MROH1: variants seen among roughly 807,000 people sequenced by gnomAD.
The protein encoded by MROH1 is maestro heat-like repeat-containing protein family member 1.
A neutral mutation model predicts 116.5 loss-of-function variants in MROH1; 117 were observed. The ratio of observed to expected loss-of-function variants is 1.00; its 90% CI spans 0.86 to 1.17. MROH1 has a LOEUF of 1.17. Among genes scored for constraint, MROH1 ranks in the 50% most tolerant of loss-of-function variants. The pLI, the probability that MROH1 is intolerant of heterozygous loss-of-function variation, is 0.00. For missense variants in MROH1, 1,873 were observed against 1,338.5 expected (o/e 1.40, Z -6.23); for synonymous variants, 921 against 583.9 (o/e 1.58, Z -8.32).
chr8:144,155,323 G>A (rs1163520795), intron 1 of MROH1, among the ~76,000 whole-genome samples: 3 of 152,300 alleles, frequency 2.0e-5, no homozygotes, highest in Admixed American at 1.3e-4. Context: ...GTCTGTAAGT[G>A]TGCATATATA....
intron 7 of MROH1, among the ~76,000 whole-genome samples, chr8:144,189,760 G>A (rs1369697898): frequency 6.6e-6 from 1 of 152,172 alleles, no homozygotes; most frequent in Non-Finnish European, 1.5e-5. Flanking sequence ...TGCCCAGCAC[G>A]GCAGCCTTGG....
intron 7 of MROH1, among the ~76,000 whole-genome samples, chr8:144,188,761 C>T (rs777180663): frequency 6.6e-4 from 100 of 152,214 alleles, no homozygotes; most frequent in Non-Finnish European, 1.1e-3. Flanking sequence ...CCACTGCGTC[C>T]GGCCACTGCC....
At chr8:144,246,095 C>CTTCCT (rs1841876081) in intron 29 of MROH1, among the ~76,000 whole-genome samples, 1 of 127,378 alleles carries the variant, frequency 7.9e-6, no homozygotes, top group Non-Finnish European at 1.6e-5. Context: ...CCTTCCTTTC[C>CTTCCT]TTCCTTCCTT....
At chr8:144,196,161 G>T (rs1829845132) in intron 10 of MROH1, among the ~76,000 whole-genome samples, 1 of 151,450 alleles carries the variant, frequency 6.6e-6, no homozygotes, top group Non-Finnish European at 1.5e-5. Flanking sequence ...GTGGTGGCGG[G>T]TGCCTGTAAT....
At chr8:144,221,413 C>T (rs746002996) in intron 13 of MROH1, among the ~76,000 whole-genome samples, 3 of 152,034 alleles carry the variant, frequency 2.0e-5, no homozygotes, top group Non-Finnish European at 2.9e-5. Flanking sequence ...TGGATCTTTG[C>T]GAAAGTTAGG....
intron 12 of MROH1, among the ~76,000 whole-genome samples, chr8:144,219,643 A>C (rs564164141): frequency 2.0e-5 from 3 of 152,254 alleles, no homozygotes; most frequent in Admixed American, 2.0e-4. Flanking sequence ...CCCAGACGTG[A>C]CAGGGGAGTT....
chr8:144,152,012 C>T (rs1335090938), intron 1 of MROH1, among the ~76,000 whole-genome samples: 1 of 152,230 alleles, frequency 6.6e-6, no homozygotes, highest in African/African-American at 2.4e-5. Flanking sequence ...GTCCTTTGCT[C>T]TCTTTCCTGT....
intron 7 of MROH1, among the ~76,000 whole-genome samples, chr8:144,186,668 G>T (rs534485382): frequency 6.6e-6 from 1 of 152,350 alleles, no homozygotes; most frequent in African/African-American, 2.4e-5. Flanking sequence ...TGGCATAGGG[G>T]CTGGCTCTGT....
intron 12 of MROH1, among the ~76,000 whole-genome samples, chr8:144,203,544 C>A (rs866376547): frequency 6.6e-6 from 1 of 151,446 alleles, no homozygotes; most frequent in Admixed American, 6.6e-5. Flanking sequence ...GAGAGGAGCG[C>A]CCGCTCTCTG....
intron 14 of MROH1, among the ~76,000 whole-genome samples, chr8:144,231,972 T>A (rs559082156): frequency 1.7e-4 from 26 of 152,210 alleles, no homozygotes; most frequent in South Asian, 4.1e-4. Flanking sequence ...TGTGTAGAGA[T>A]CAAATCCAGG....
At chr8:144,252,602 A>C (rs1843017639) in intron 33 of MROH1, 1 of 151,090 alleles carries the variant, frequency 6.6e-6, no homozygotes, top group Non-Finnish European at 1.5e-5. Context: ...CAGGAGGCGG[A>C]GCTTGCAGTG....
intron 12 of MROH1, among the ~76,000 whole-genome samples, chr8:144,205,542 G>C (rs1388752108): frequency 1.3e-5 from 2 of 149,306 alleles, no homozygotes; most frequent in African/African-American, 4.9e-5. Context: ...ACACACGCAT[G>C]CATGCCAGGA....
intron 14 of MROH1, among the ~76,000 whole-genome samples, chr8:144,234,678 G>T (rs1554824057): frequency 6.8e-6 from 1 of 146,568 alleles, no homozygotes; most frequent in African/African-American, 2.5e-5. Context: ...CACCATGTCT[G>T]GCTAATTTTT....
chr8:144,255,772 G>A (rs1017122131), intron 35 of MROH1, 67 bp downstream of exon 35: 196 of 697,524 alleles, frequency 2.8e-4, no homozygotes, highest in Non-Finnish European at 4.6e-4. Context: ...GTGCACGCGC[G>A]TGGTGGGGGC....
rs1490327020 is a variant in MROH1 at position 144,167,366 on chromosome 8, G to A, written c.23-929G>A. Among the ~76,000 whole-genome samples the A allele has an allele frequency of 2.2e-5, 3 of 135,238 alleles. No homozygotes were observed. The East Asian group carries it at 6.7e-4, about 30-fold the overall frequency. The allele number at this position is 135,238 out of a possible 152,430, so 88.7% of individuals were successfully genotyped here. A position where few individuals can be genotyped will look rare whatever the true frequency, so the allele number is the denominator to read the frequency against. ...GGCCGGTTGTGGGGTGGAGTGGCCA[G>A]ATGTGGGGTGGAGTGGCCGGTTGTG... On this transcript the variant is annotated intron_variant, in intron 3 of 43. Transcript: ENST00000326134.
chr8:144,261,577 C>A, intron 43 of MROH1, 78 bp from the exon 44 acceptor site: 1 of 700,534 alleles, frequency 1.4e-6, no homozygotes, highest in South Asian at 1.5e-5. Context: ...CAGAGGCTGT[C>A]AGGAGAGCGT....
chr8:144,252,738 C>T (rs1215103343), intron 33 of MROH1: 9 of 150,998 alleles, frequency 6.0e-5, no homozygotes, highest in Non-Finnish European at 1.0e-4. Context: ...AGGTGGACCA[C>T]CTGAGGTTGG....
chr8:144,181,295 C>CCGGTGATGGGGGAGGGGCT (rs1825616230), intron 7 of MROH1, among the ~76,000 whole-genome samples: 1 of 147,364 alleles, frequency 6.8e-6, no homozygotes, highest in African/African-American at 2.6e-5. Flanking sequence ...GGGGAGGGGC[C>CCGGTGATGGGGGAGGGGCT]CGGTGATGGG....
At position 144,220,614 on chromosome 8, in the gene MROH1, G is replaced by A; in HGVS notation, c.1156G>A (p.Asp386Asn). ...GTTTCTTGCAGCTGCTCAGATGGAA[G>A]ATAAAAAGCCCTTTATCCTGTCTTC... is the stretch of plus-strand genomic sequence containing the variant. The part of the protein sequence containing the change: ...VINSAAAQME[D>N]KKPFILSSMR... Residue 386 changes from aspartate to asparagine, a missense_variant, in exon 13 of 44, where the codon GAT (aspartate) becomes AAT (asparagine). Asp to Asn is a conservative substitution (Grantham distance 23, BLOSUM62 1). Transcript: ENST00000326134. The A allele has an allele frequency of 6.3e-7, 1 of 1,576,496 alleles. No individual in the cohort carries two copies. Among genetic ancestry groups the A allele is most frequent in the Non-Finnish European group, 8.6e-7 (1 of 1,161,026 alleles).
Sources: allele counts gnomAD v4.1 joint callset (sites outside exome capture counted in the v4.1 genomes callset), GRCh38; gene constraint gnomAD v4.1.1; transcripts MANE v1.5; gene names NCBI Gene and HGNC (gene_info 2026-07-23, HGNC 2026-07-21).